Variants in NCAPG2 observed in about 807,000 individuals in gnomAD.
NCAPG2 encodes condensin-2 complex subunit G2.
Under a neutral mutation model 141.1 loss-of-function variants are expected in NCAPG2, and 53 were observed. The observed-to-expected ratio is 0.38, with a 90% CI of 0.30 to 0.47. The LOEUF is 0.47. NCAPG2 is among the 20% of genes least tolerant of loss of function. The pLI is 0.99. For missense variants in NCAPG2, 1,087 were observed against 1,389.0 expected (o/e 0.78, Z 3.46); for synonymous variants, 499 against 490.7 (o/e 1.02, Z -0.22).
intron 24 of NCAPG2, among the ~76,000 whole-genome samples, chr7:158,650,076 C>T (rs1393199336): frequency 7.2e-5 from 11 of 152,084 alleles, no homozygotes; most frequent in African/African-American, 1.4e-4. Flanking sequence ...TTCTTTGAGA[C>T]GGAGTCTCGC....
At chr7:158,656,142 T>C in intron 19 of NCAPG2, 118 bp downstream of exon 19, 1 of 1,311,724 alleles carries the variant, frequency 7.6e-7, no homozygotes, top group Non-Finnish European at 1.1e-6. Flanking sequence ...ACATGATCAC[T>C]CTCAATTCTG....
chr7:158,643,863 G>T (rs545923983), intron 27 of NCAPG2, among the ~76,000 whole-genome samples: 1 of 152,214 alleles, frequency 6.6e-6, no homozygotes, highest in African/African-American at 2.4e-5. Flanking sequence ...GCTGTGCGTA[G>T]CAATGGGCTG....
rs1176652855 is a variant in NCAPG2 at position 158,662,247 on chromosome 7, A to G, written c.1936T>C (p.Tyr646His). ...SMENNKEAKL[Y>H]TINKFASVLP... ...ACAGAGGCAAACTTGTTAATCGTGT[A>G]AAGTTTGGCCTCTTTATTATTTTCC... Residue 646 changes from tyrosine to histidine, a missense_variant, in exon 16 of 28, where the codon TAC (tyrosine) becomes CAC (histidine). By Grantham distance (83) the Tyr-to-His change is moderately conservative (BLOSUM62 2). Transcript: ENST00000356309. 1 of 1,609,848 alleles carries G rather than the reference A, an allele frequency of 6.2e-7. No homozygotes were observed. Among genetic ancestry groups the G allele is most frequent in the Admixed American group, 1.7e-5 (1 of 59,306 alleles).
Position 158,662,246 on chromosome 7 carries a change from T to TA in NCAPG2, c.1936dup (p.Tyr646LeufsTer4), listed in dbSNP as rs1254019001. ...CACAGAGGCAAACTTGTTAATCGTG[T>TA]AAAGTTTGGCCTCTTTATTATTTTC... On this transcript the variant is annotated frameshift_variant, in exon 16 of 28. Coordinates refer to ENST00000356309, the MANE Select transcript of NCAPG2 (RefSeq NM_017760.7). LOFTEE classifies it high-confidence loss of function. 1 of 1,610,050 alleles carries TA rather than the reference T, an allele frequency of 6.2e-7. No homozygotes were observed. Among genetic ancestry groups the TA allele is most frequent in the African/African-American group, 1.3e-5 (1 of 74,868 alleles).
chr7:158,663,692 C>T (rs1454112414), intron 15 of NCAPG2, among the ~76,000 whole-genome samples: 1 of 152,192 alleles, frequency 6.6e-6, no homozygotes, highest in East Asian at 1.9e-4. Flanking sequence ...TGCAAAATGA[C>T]CCCAAAATCT....
At chr7:158,681,886 AATG>A (rs759302137) in intron 9 of NCAPG2, among the ~76,000 whole-genome samples, 11 of 152,178 alleles carry the variant, frequency 7.2e-5, no homozygotes, top group Non-Finnish European at 5.9e-5. Context: ...TTTAATTTCA[AATG>A]ATGTCTGAAG....
Position 158,660,419 on chromosome 7 carries a change from TTTTTTTTTTTA to T in NCAPG2, c.1989+1764_1989+1774del, listed in dbSNP as rs1178736557. Among the ~76,000 whole-genome samples, 400 of 96,350 alleles carry T rather than the reference TTTTTTTTTTTA, an allele frequency of 4.2e-3. 9 individuals are homozygous for T. The highest frequency in any genetic ancestry group is 0.035 in the Admixed American group (343 of 9,828). The allele number at this position is 96,350 out of a possible 152,430, so 63.2% of individuals were successfully genotyped here. The stretch of plus-strand genomic sequence containing the variant: ...CAGCTTTCTTTTTTTTTTTTTTTTT[TTTTTTTTTTTA>T]AAAGAGGCAGGGTCTCACTCTGTTG... On this transcript the variant is annotated intron_variant, in intron 16 of 27. Coordinates refer to ENST00000356309, the MANE Select transcript of NCAPG2 (RefSeq NM_017760.7).
intron 7 of NCAPG2, among the ~76,000 whole-genome samples, chr7:158,686,784 G>C (rs543043916): frequency 6.6e-6 from 1 of 152,280 alleles, no homozygotes; most frequent in East Asian, 1.9e-4. Flanking sequence ...TTATACAGTT[G>C]CCTGACACTG....
intron 27 of NCAPG2, chr7:158,639,713 C>T (rs537804854): frequency 6.2e-6 from 2 of 320,444 alleles, no homozygotes; most frequent in Admixed American, 6.5e-5. Flanking sequence ...CTCCACAACA[C>T]TGAAAAGGGA....
intron 25 of NCAPG2, 96 bp from the exon 26 acceptor site, chr7:158,645,715 C>G (rs1830961720): frequency 9.0e-7 from 1 of 1,112,356 alleles, no homozygotes; most frequent in African/African-American, 1.6e-5. Flanking sequence ...CAACCACAAA[C>G]CCCAGTTTGC....
intron 17 of NCAPG2, among the ~76,000 whole-genome samples, chr7:158,657,900 A>G (rs1422061047): frequency 2.6e-5 from 4 of 152,040 alleles, no homozygotes; most frequent in Non-Finnish European, 5.9e-5. Flanking sequence ...ACTCAGAGTT[A>G]AATGGATTAA....
chr7:158,694,518 C>T (rs1026711519), intron 2 of NCAPG2, among the ~76,000 whole-genome samples: 11 of 152,286 alleles, frequency 7.2e-5, no homozygotes, highest in East Asian at 3.9e-4. Flanking sequence ...CCATGCCATG[C>T]GCTTCCTGTC....
In NCAPG2 at chr7:158,644,305, C is replaced by T. The variant is rs1830846719; in HGVS notation, c.3364G>A (p.Glu1122Lys). The T allele has an allele frequency of 6.2e-7, 1 of 1,612,234 alleles. No homozygotes were observed. The highest frequency in any genetic ancestry group is 1.3e-5 in the African/African-American group (1 of 74,998). ...CTCCTTTACCTTTCAATGCTATCCT[C>T]TTCCAAAGTAATTTCCATGAATGTC... ...LKTFMEITLEEDSIERFLYES... is the reference protein window; with the variant it reads ...LKTFMEITLEKDSIERFLYES... The change falls in exon 27 of 28, where the codon GAG (glutamate) becomes AAG (lysine). Residue 1122 changes from glutamate (E) to lysine (K), a missense_variant. Glu to Lys is a moderately conservative substitution (Grantham distance 56). Transcript: ENST00000356309.
At chr7:158,668,070 CTCCTTACCCACTACT>C (rs1833310029) in intron 13 of NCAPG2, 1 of 91,740 alleles carries the variant, frequency 1.1e-5, no homozygotes. Context: ...TCCCTCCGCC[CTCCTTACCCACTACT>C]GGGTCCCTCC....
intron 12 of NCAPG2, among the ~76,000 whole-genome samples, chr7:158,672,143 C>A (rs1020595722): frequency 1.3e-5 from 2 of 151,850 alleles, no homozygotes; most frequent in African/African-American, 4.8e-5. Flanking sequence ...AGGTGGCACT[C>A]CTCCACAGGC....
chr7:158,638,320 C>T (rs1426269202), intron 27 of NCAPG2, among the ~76,000 whole-genome samples: 1 of 152,120 alleles, frequency 6.6e-6, no homozygotes, highest in Non-Finnish European at 1.5e-5. Flanking sequence ...CAATCTCAAC[C>T]CACTGCAACC....
At chr7:158,668,011 C>T (rs62478291) in intron 13 of NCAPG2, among the ~76,000 whole-genome samples, 9 of 8,520 alleles carry the variant, frequency 1.1e-3, no homozygotes, top group African/African-American at 2.0e-3. Context: ...TCCCTCCGCC[C>T]TCCTTACCCA....
intron 27 of NCAPG2, among the ~76,000 whole-genome samples, chr7:158,632,444 CA>C (rs1167812030): frequency 1.3e-5 from 2 of 152,206 alleles, no homozygotes; most frequent in Non-Finnish European, 1.5e-5. Context: ...TGCATGGCTC[CA>C]ATGCTTGTTC....
chr7:158,652,282 G>A lies in NCAPG2; in HGVS notation c.2934+11C>T, dbSNP rs1254760261. ...CATCTAGCGAACCCCGTCCTGGGGA[G>A]TTCTGAGTACCCGCAGGCCTTCTTC... On this transcript the variant is annotated intron_variant, in intron 23 of 27. Coordinates refer to ENST00000356309, the MANE Select transcript of NCAPG2 (RefSeq NM_017760.7). 1.2e-6 allele frequency: 2 copies of A among 1,611,580 alleles called. No individual in the cohort carries two copies. The highest frequency in any genetic ancestry group is 1.7e-6 in the Non-Finnish European group (2 of 1,179,378).
Sources: gnomAD v4.1 joint callset for allele counts (sites outside exome capture counted in the v4.1 genomes callset) on GRCh38, gnomAD v4.1.1 for gene constraint, MANE v1.5 for transcripts, NCBI Gene and HGNC (gene_info 2026-07-23, HGNC 2026-07-21) for gene names.